Variants in PABIR3 observed in about 807,000 individuals in gnomAD.
PABIR3 encodes PABIR family member 1.
In PABIR3, 20 loss-of-function variants were observed where a neutral mutation model predicts 23.1. That is an observed-to-expected ratio of 0.86 (90% CI 0.61 to 1.26). The LOEUF is 1.26. PABIR3 is among the 50% of genes most tolerant of loss of function. PABIR3 has a pLI of 0.00. For synonymous variants in PABIR3, 69 were observed against 68.5 expected (o/e 1.01, Z -0.04); for missense variants, 189 against 195.4 (o/e 0.97, Z 0.20).
intron 1 of PABIR3, among the ~76,000 whole-genome samples, chrX:134,798,327 G>A (rs1450197001): frequency 8.9e-6 from 1 of 112,165 alleles, no homozygotes; most frequent in Non-Finnish European, 1.9e-5. Context: ...GATGCAATGG[G>A]CAGCACTGCA....
chrX:134,838,266 A>G (rs957986645), intron 4 of PABIR3, among the ~76,000 whole-genome samples: 3 of 110,450 alleles, frequency 2.7e-5, no homozygotes, highest in Non-Finnish European at 5.7e-5. Context: ...ATCCCAGTAG[A>G]TTTTCTGTTT....
intron 9 of PABIR3, among the ~76,000 whole-genome samples, chrX:134,850,703 A>T (rs1385348412): frequency 8.9e-6 from 1 of 112,408 alleles, no homozygotes; most frequent in African/African-American, 3.2e-5. Flanking sequence ...CTTAGAATTT[A>T]TGATTGAAAA....
chrX:134,845,081 T>G, intron 4 of PABIR3, 124 bp from the exon 5 acceptor site: 5 of 554,714 alleles, frequency 9.0e-6, no homozygotes, highest in Non-Finnish European at 1.5e-5. Flanking sequence ...TTTAGAGATT[T>G]ATTTATTCTC....
At chrX:134,852,774 T>C in intron 9 of PABIR3, 26 bp from the exon 10 acceptor site, 1 of 916,792 alleles carries the variant, frequency 1.1e-6, no homozygotes, top group Admixed American at 4.2e-5. Context: ...ATAAAACATC[T>C]ACCTTGATCT....
At position 134,845,186 on chromosome X, in the gene PABIR3, C is replaced by T; in HGVS notation, c.247-19C>T. On this transcript the variant is annotated intron_variant, in intron 4 of 10. Transcript: ENST00000645433. ...AGGAACTGGGTATTCAGTTTATTCT[C>T]ATTTTCCTACCTTTACAGGAAGAAG... 3 of 1,173,731 alleles carry T rather than the reference C, an allele frequency of 2.6e-6. No individual in the cohort carries two copies. The highest frequency in any genetic ancestry group is 2.3e-6 in the Non-Finnish European group (2 of 871,319).
chrX:134,862,731 C>T, the PABIR3 span, among the ~76,000 whole-genome samples: 5 of 111,455 alleles, frequency 4.5e-5, no homozygotes, highest in African/African-American at 1.6e-4. Flanking sequence ...TGAGAGGATC[C>T]AGAATTTTGC....
At chrX:134,863,577 A>G in the PABIR3 span, among the ~76,000 whole-genome samples, 1 of 111,623 alleles carries the variant, frequency 9.0e-6, no homozygotes, top group East Asian at 2.8e-4. Context: ...TTTGATCAAC[A>G]TTAGAGCTGA....
At chrX:134,830,494 G>A (rs1279263143) in intron 4 of PABIR3, among the ~76,000 whole-genome samples, 2 of 107,605 alleles carry the variant, frequency 1.9e-5, no homozygotes, top group Admixed American at 1.0e-4. Context: ...CACCACGCCC[G>A]GCTAATTTTT....
At chrX:134,833,779 G>A (rs774594605) in intron 4 of PABIR3, among the ~76,000 whole-genome samples, 29 of 110,941 alleles carry the variant, frequency 2.6e-4, no homozygotes, top group Non-Finnish European at 5.1e-4. Flanking sequence ...TTGGTTTTCC[G>A]TTCCTGTGTT....
At chrX:134,815,853 G>A (rs1021400029) in intron 3 of PABIR3, among the ~76,000 whole-genome samples, 1 of 109,377 alleles carries the variant, frequency 9.1e-6, no homozygotes, top group African/African-American at 3.3e-5. Flanking sequence ...TAATTTTTTT[G>A]TATTTTTAGT....
In PABIR3 at chrX:134,830,324, C is replaced by A. The variant is rs958041091; in HGVS notation, c.246+1042C>A. Among the ~76,000 whole-genome samples, 210 of 95,458 alleles carry A rather than the reference C, an allele frequency of 2.2e-3. 1 individual carries two copies. The highest frequency in any genetic ancestry group is 8.3e-3 in the African/African-American group (200 of 24,217). 82.9% of individuals were successfully genotyped at this position (95,458 alleles called of 115,157 possible). The stretch of plus-strand genomic sequence containing the variant: ...AAAGTATGGTAAAAATGGTTTTTTT[C>A]CTTTTTTTTTTTTTTTTTTTTTTTT... On this transcript the variant is annotated intron_variant, in intron 4 of 10. Coordinates refer to ENST00000645433, the MANE Select transcript of PABIR3 (RefSeq NM_001388447.1).
At chrX:134,838,439 G>A (rs775400727) in intron 4 of PABIR3, among the ~76,000 whole-genome samples, 5 of 107,158 alleles carry the variant, frequency 4.7e-5, no homozygotes, top group South Asian at 4.2e-4. Flanking sequence ...TCAGCCTCCC[G>A]TGTAGCTGGG....
downstream of PABIR3, among the ~76,000 whole-genome samples, chrX:134,856,691 G>C (rs2082751909): frequency 1.8e-5 from 2 of 111,413 alleles, no homozygotes; most frequent in Non-Finnish European, 3.8e-5. Flanking sequence ...ACTTTTACTT[G>C]CTATTCTGTG....
chrX:134,819,741 C>T (rs1190989082), intron 3 of PABIR3, among the ~76,000 whole-genome samples: 4 of 110,397 alleles, frequency 3.6e-5, no homozygotes. Flanking sequence ...AAAAATTAGC[C>T]GGGCATGGTG....
upstream of PABIR3, chrX:134,807,204 A>G (rs1170006261): frequency 4.9e-6 from 4 of 817,817 alleles, no homozygotes; most frequent in Non-Finnish European, 5.9e-6. Flanking sequence ...GCGGGACCCA[A>G]CTGATTGTCA....
intron 3 of PABIR3, among the ~76,000 whole-genome samples, chrX:134,827,899 G>A: frequency 9.2e-6 from 1 of 108,941 alleles, no homozygotes; most frequent in African/African-American, 3.3e-5. Flanking sequence ...TCGTAACTCT[G>A]TTCTGCCATT....
At chrX:134,806,110 T>C (rs1232978056), upstream of PABIR3, among the ~76,000 whole-genome samples, 2 of 111,749 alleles carry the variant, frequency 1.8e-5, no homozygotes, top group African/African-American at 6.5e-5. Flanking sequence ...AAAGAGTAGT[T>C]CTTAAAACGA....
At chrX:134,810,130 T>TA (rs1324034169) in intron 2 of PABIR3, 2 of 752,026 alleles carry the variant, frequency 2.7e-6, no homozygotes, top group Non-Finnish European at 3.1e-6. Flanking sequence ...AGGTTGCAAA[T>TA]AGACGATGGA....
rs2082732123 is a variant in PABIR3 at position 134,854,391 on chromosome X, T to TG, written c.*175dup. On this transcript the variant is annotated 3_prime_UTR_variant, in exon 11 of 11. Transcript: ENST00000645433. ...TAAAATTCTATTTATCTACAGAACT[T>TG]GCGTGTATAATTCTTGTGTACATCC... The TG allele has an allele frequency of 2.2e-6, 1 of 462,035 alleles. No individual in the cohort carries two copies. The highest frequency in any genetic ancestry group is 3.3e-6 in the Non-Finnish European group (1 of 306,868). The allele number at this position is 462,035 out of a possible 1,213,427, so 38.1% of individuals were successfully genotyped here.
Sources: gnomAD v4.1 joint callset for allele counts (sites outside exome capture counted in the v4.1 genomes callset) on GRCh38, gnomAD v4.1.1 for gene constraint, MANE v1.5 for transcripts, NCBI Gene and HGNC (gene_info 2026-07-23, HGNC 2026-07-21) for gene names.